Variants in XKR4 observed in about 807,000 individuals in gnomAD.
The protein encoded by XKR4 is XK related 4, also known as XK-related protein 4.
Under a neutral mutation model 53.9 loss-of-function variants are expected in XKR4, and 12 were observed. The observed-to-expected ratio is 0.22, with a 90% CI of 0.14 to 0.36. The LOEUF is 0.36. XKR4 is among the 10% of genes least tolerant of loss of function. The pLI, the probability that XKR4 is intolerant of heterozygous loss-of-function variation, is 1.00. For missense variants in XKR4, 799 were observed against 859.5 expected, an observed-to-expected ratio of 0.93 and a Z score of 0.88; for synonymous variants, 354 against 362.4, an observed-to-expected ratio of 0.98 and a Z score of 0.26.
chr8:55,232,252 G>A (rs1818052462), intron 1 of XKR4, among the ~76,000 whole-genome samples: 2 of 152,200 alleles, frequency 1.3e-5, no homozygotes, highest in African/African-American at 4.8e-5. Flanking sequence ...CAACTTGCCG[G>A]ACATTAGTGA....
At chr8:55,171,077 A>G (rs1202723883) in intron 1 of XKR4, among the ~76,000 whole-genome samples, 3 of 152,174 alleles carry the variant, frequency 2.0e-5, no homozygotes, top group African/African-American at 4.8e-5. Flanking sequence ...CTAGATTTAT[A>G]TTGCTTTCTA....
intron 2 of XKR4, among the ~76,000 whole-genome samples, chr8:55,370,604 C>G (rs916579477): frequency 2.6e-5 from 4 of 152,154 alleles, no homozygotes; most frequent in Non-Finnish European, 5.9e-5. Flanking sequence ...AAGAGCCAAA[C>G]TTATAAAAAT....
At chr8:55,465,664 C>T (rs1805754691) in intron 2 of XKR4, among the ~76,000 whole-genome samples, 1 of 151,630 alleles carries the variant, frequency 6.6e-6, no homozygotes, top group African/African-American at 2.4e-5. Context: ...AGAGCTTCTG[C>T]ACAGCAAAAG....
intron 1 of XKR4, among the ~76,000 whole-genome samples, chr8:55,253,296 T>G (rs1818386007): frequency 6.6e-6 from 1 of 152,226 alleles, no homozygotes; most frequent in African/African-American, 2.4e-5. Flanking sequence ...TGCAATTAAA[T>G]GGCGACATGC....
intron 1 of XKR4, among the ~76,000 whole-genome samples, chr8:55,212,429 A>G (rs1817743608): frequency 6.6e-6 from 1 of 152,120 alleles, no homozygotes; most frequent in Non-Finnish European, 1.5e-5. Context: ...TCATGTTGGT[A>G]TCTTATTGCT....
intron 1 of XKR4, among the ~76,000 whole-genome samples, chr8:55,159,035 T>C (rs755300461): frequency 5.3e-5 from 8 of 152,168 alleles, no homozygotes; most frequent in Non-Finnish European, 1.0e-4. Context: ...GGTAGTTTGA[T>C]AGGAATAGCA....
intron 2 of XKR4, among the ~76,000 whole-genome samples, chr8:55,485,395 T>C (rs925202576): frequency 6.6e-6 from 1 of 151,784 alleles, no homozygotes; most frequent in Admixed American, 6.6e-5. Context: ...AAACTAGAAC[T>C]AAAAAGTTCA....
chr8:55,460,023 A>C (rs1157171508), intron 2 of XKR4, among the ~76,000 whole-genome samples: 1 of 152,026 alleles, frequency 6.6e-6, no homozygotes, highest in South Asian at 2.1e-4. Context: ...AAAAAAAAAA[A>C]ACCAAATGTC....
At chr8:55,390,337 A>C (rs1804427266) in intron 2 of XKR4, among the ~76,000 whole-genome samples, 1 of 152,326 alleles carries the variant, frequency 6.6e-6, no homozygotes, top group African/African-American at 2.4e-5. Flanking sequence ...AATAAATACA[A>C]TTTTTATATC....
At chr8:55,275,579 C>G (rs540466138) in intron 1 of XKR4, among the ~76,000 whole-genome samples, 1 of 152,286 alleles carries the variant, frequency 6.6e-6, no homozygotes, top group Admixed American at 6.5e-5. Context: ...ATAACTGGAT[C>G]ATCCTAAGAA....
intron 2 of XKR4, among the ~76,000 whole-genome samples, chr8:55,516,018 A>C (rs1046058981): frequency 6.6e-6 from 1 of 152,144 alleles, no homozygotes; most frequent in Non-Finnish European, 1.5e-5. Context: ...TGCTAATTAC[A>C]TGAGTGTGGG....
At chr8:55,504,155 G>T (rs1806487199) in intron 2 of XKR4, among the ~76,000 whole-genome samples, 1 of 151,618 alleles carries the variant, frequency 6.6e-6, no homozygotes, top group Non-Finnish European at 1.5e-5. Context: ...AGGGATATTG[G>T]TTTGTAGTTT....
intron 1 of XKR4, among the ~76,000 whole-genome samples, chr8:55,306,938 GAA>G (rs76863433): frequency 2.2e-4 from 26 of 119,884 alleles, no homozygotes; most frequent in African/African-American, 5.5e-4. Context: ...TCCATATGCA[GAA>G]AAAAAAAAAA....
At chr8:55,382,019 G>C (rs1189547672) in intron 2 of XKR4, among the ~76,000 whole-genome samples, 1 of 152,190 alleles carries the variant, frequency 6.6e-6, no homozygotes, top group Non-Finnish European at 1.5e-5. Flanking sequence ...CTATTCTAAA[G>C]CTTCTCCCAA....
intron 1 of XKR4, among the ~76,000 whole-genome samples, chr8:55,310,307 C>T (rs941410644): frequency 3.9e-5 from 6 of 152,248 alleles, no homozygotes; most frequent in East Asian, 3.9e-4. Flanking sequence ...CTTCCAAGTG[C>T]GTGACCTTCA....
chr8:55,439,561 A>C (rs1670116301), intron 2 of XKR4, among the ~76,000 whole-genome samples: 1 of 152,248 alleles, frequency 6.6e-6, no homozygotes, highest in Admixed American at 6.5e-5. Context: ...TTCTGAAAGC[A>C]AAACATTGAA....
chr8:55,149,212 G>C (rs1221922777), intron 1 of XKR4, among the ~76,000 whole-genome samples: 1 of 152,180 alleles, frequency 6.6e-6, no homozygotes, highest in African/African-American at 2.4e-5. Context: ...TAACTTGCTA[G>C]ACCCATCCAG....
chr8:55,156,981 T>C (rs1161902382), intron 1 of XKR4, among the ~76,000 whole-genome samples: 43 of 152,384 alleles, frequency 2.8e-4, no homozygotes, highest in Non-Finnish European at 1.5e-5. Flanking sequence ...CCTTGTCTTC[T>C]GATTTGGCGC....
rs1341579375 is a variant in XKR4, at chr8:55,211,661, A to G, written c.806+108367A>G. 7.9e-5 allele frequency among the ~76,000 whole-genome samples: 12 copies of G among 152,358 alleles called. No individual in the cohort carries two copies. The East Asian group carries it at 2.3e-3, about 29-fold the overall frequency. ...TTTGTGCTTCCTTTTTCACTCGGGT[A>G]AAATAAAGCCATTTAGAGTTACGTT... On this transcript the variant is annotated intron_variant, in intron 1 of 2. Transcript: ENST00000327381.
Sources: gnomAD v4.1 joint callset for allele counts (sites outside exome capture counted in the v4.1 genomes callset) on GRCh38, gnomAD v4.1.1 for gene constraint, MANE v1.5 for transcripts, NCBI Gene and HGNC (gene_info 2026-07-23, HGNC 2026-07-21) for gene names.